Variants in CASC3 observed in about 807,000 individuals in gnomAD.
CASC3 encodes the protein protein CASC3.
In CASC3, 30 loss-of-function variants were observed where a neutral mutation model predicts 80.5. That is an observed-to-expected ratio of 0.37 (90% CI 0.28 to 0.51). The LOEUF (loss-of-function observed/expected upper bound fraction) is 0.51. Among genes scored for constraint, CASC3 ranks in the 20% least tolerant of loss-of-function variants. The pLI, the probability that CASC3 is intolerant of heterozygous loss-of-function variation, is 0.94. For missense variants in CASC3, 824 were observed against 922.2 expected, an observed-to-expected ratio of 0.89 and a Z score of 1.38; for synonymous variants, 312 against 333.6, an observed-to-expected ratio of 0.94 and a Z score of 0.70.
chr17:40,161,914 T>C lies in CASC3; in HGVS notation c.456+3T>C, dbSNP rs781298499. ...AGAGGCAAAGTGGGGACGGACAGGT[T>C]AGTACATTCCACAGTCCTCCATTTT... On this transcript the variant is annotated splice_donor_region_variant and intron_variant, in intron 4 of 13. Coordinates refer to ENST00000264645, the MANE Select transcript of CASC3 (RefSeq NM_007359.5). The C allele has an allele frequency of 6.2e-7, 1 of 1,613,994 alleles. No individual in the cohort carries two copies. The highest frequency in any genetic ancestry group is 1.3e-5 in the African/African-American group (1 of 74,978).
At chr17:40,159,316 A>AT (rs937777378) in intron 3 of CASC3, among the ~76,000 whole-genome samples, 1 of 152,150 alleles carries the variant, frequency 6.6e-6, no homozygotes, top group Non-Finnish European at 1.5e-5. Context: ...ATGTACTACT[A>AT]TTTTTGAATA....
chr17:40,147,911 T>C (rs915484166), intron 3 of CASC3, among the ~76,000 whole-genome samples: 1 of 152,216 alleles, frequency 6.6e-6, no homozygotes, highest in Non-Finnish European at 1.5e-5. Context: ...TCATGCCTTA[T>C]ATAATTTTCT....
At position 40,140,756 on chromosome 17, in the gene CASC3, A is replaced by C. The variant is rs761989441; in HGVS notation, c.208A>C (p.Lys70Gln). Reference sequence around the variant, plus strand: ...GCGGCGGGTGGAGAGCGGGGGCGCCAAGAGTGCTGAGGAGTCGGAGTGTGT... The same window carrying C: ...GCGGCGGGTGGAGAGCGGGGGCGCCCAGAGTGCTGAGGAGTCGGAGTGTGT... ...HLRRVESGGA[K>Q]SAEESECESE... is the part of the protein sequence containing the mutation. The change falls in exon 1 of 14, where the codon AAG (lysine) becomes CAG (glutamine). Residue 70 changes from lysine (K) to glutamine (Q), a missense_variant. Lys to Gln is a moderately conservative substitution (Grantham distance 53). This residue lies in a region of CASC3 where 159 missense variants were observed against 122.2 expected (regional missense o/e 1.30). Transcript: ENST00000264645. 4.5e-6 allele frequency: 6 copies of C among 1,347,340 alleles called. No individual in the cohort carries two copies. The South Asian group carries it at 5.2e-5, about 12-fold the overall frequency. The allele number at this position is 1,347,340 out of a possible 1,614,324, so 83.5% of individuals were successfully genotyped here.
rs892911228 is a variant in CASC3 at position 40,140,594 on chromosome 17, G to A, written c.46G>A (p.Glu16Lys). 2 of 1,610,620 alleles carry A rather than the reference G, an allele frequency of 1.2e-6. No homozygotes were observed. Among genetic ancestry groups the A allele is most frequent in the African/African-American group, 1.3e-5 (1 of 74,808 alleles). ...GCGCGCTTCGCAAGACACCGAGGAC[G>A]AGGAATCTGGTGCTTCGGGCTCCGA... ...RQRASQDTED[E>K]ESGASGSDSG... Residue 16 changes from glutamate to lysine, a missense_variant, in exon 1 of 14, where the codon GAG becomes AAG. Physicochemically the swap from Glu to Lys is moderately conservative, Grantham distance 56 (BLOSUM62 1). This residue lies in a region of CASC3 where 159 missense variants were observed against 122.2 expected (regional missense o/e 1.30). Transcript: ENST00000264645.
intron 3 of CASC3, among the ~76,000 whole-genome samples, chr17:40,144,146 C>A (rs568490846): frequency 7.9e-5 from 12 of 151,552 alleles, no homozygotes; most frequent in African/African-American, 2.9e-4. Flanking sequence ...GTAATCCCAG[C>A]GACTCAGGAG....
At position 40,171,968 on chromosome 17, in the gene CASC3, C is replaced by A. The variant is rs777543302; in HGVS notation, c.*1563C>A. ...GTAGGCTGTTCCCTTTGCCTTAAAC[C>A]TGAAGATGTCTCCTCAAGCCTGTGG... On this transcript the variant is annotated 3_prime_UTR_variant, in exon 14 of 14. Transcript: ENST00000264645. 1 of 1,288,704 alleles carries A rather than the reference C, an allele frequency of 7.8e-7. No homozygotes were observed. The highest frequency in any genetic ancestry group is 1.2e-5 in the South Asian group (1 of 80,940). The allele number at this position is 1,288,704 out of a possible 1,614,324, so 79.8% of individuals were successfully genotyped here.
In CASC3 at chr17:40,141,671, C is replaced by A. The variant is rs1567674945; in HGVS notation, c.297+64C>A. 5 of 1,208,782 alleles carry A rather than the reference C, an allele frequency of 4.1e-6. No individual in the cohort carries two copies. The Admixed American group carries it at 5.5e-5, about 13-fold the overall frequency. The allele number at this position is 1,208,782 out of a possible 1,614,324, so 74.9% of individuals were successfully genotyped here. On this transcript the variant is annotated intron_variant, in intron 3 of 13. Coordinates refer to ENST00000264645, the MANE Select transcript of CASC3 (RefSeq NM_007359.5). ...AATGCTTTTTAAAAACGTGTACACA[C>A]CTTCGTTGCAAACGTACCATGACCT...
At chr17:40,145,965 A>G (rs1047371366) in intron 3 of CASC3, among the ~76,000 whole-genome samples, 1 of 152,114 alleles carries the variant, frequency 6.6e-6, no homozygotes, top group African/African-American at 2.4e-5. Flanking sequence ...TTTCAGATCC[A>G]GAGAACACTT....
chr17:40,168,069 T>C, intron 10 of CASC3, 121 bp downstream of exon 10: 1 of 1,299,710 alleles, frequency 7.7e-7, no homozygotes, highest in Non-Finnish European at 1.1e-6. Flanking sequence ...TCCTGGCTGC[T>C]TGGGCAACAA....
Position 40,162,915 on chromosome 17 carries a change from A to G in CASC3, c.785+14A>G, listed in dbSNP as rs1432810684. The G allele has an allele frequency of 1.2e-6, 2 of 1,612,458 alleles. No homozygotes were observed. Among genetic ancestry groups the G allele is most frequent in the Admixed American group, 1.7e-5 (1 of 59,964 alleles). On this transcript the variant is annotated intron_variant, in intron 6 of 13. Transcript: ENST00000264645. ...CCGGAAACCCCGGTGAGGACATTTT[A>G]GAACATAAGACCAGGCTGGGTATGG...
intron 8 of CASC3, 26 bp downstream of exon 8, chr17:40,166,887 G>C (rs370392697): frequency 6.4e-7 from 1 of 1,563,264 alleles, no homozygotes; most frequent in East Asian, 2.3e-5. Flanking sequence ...GGGGTAGATG[G>C]GGGAGGGAGC....
chr17:40,168,449 T>TA (rs755791054), intron 11 of CASC3, 32 bp downstream of exon 11: 40 of 1,556,144 alleles, frequency 2.6e-5, no homozygotes, highest in Non-Finnish European at 3.5e-5. Flanking sequence ...TTTTTCTAGA[T>TA]ACACATTCTT....
intron 4 of CASC3, 31 bp from the exon 5 acceptor site, chr17:40,161,970 GA>G (rs758226979): frequency 1.2e-6 from 2 of 1,612,638 alleles, no homozygotes; most frequent in East Asian, 4.5e-5. Context: ...TTGAGGCTTG[GA>G]AGAGTAAGGA....
intron 3 of CASC3, among the ~76,000 whole-genome samples, chr17:40,153,024 C>T (rs1156608433): frequency 6.6e-6 from 1 of 152,140 alleles, no homozygotes; most frequent in African/African-American, 2.4e-5. Context: ...ATCTGCCCAC[C>T]TCGGCCTCCC....
Position 40,171,013 on chromosome 17 carries a change from T to A in CASC3, c.*608T>A. ...AGTCTAAAAAGACCTGGCCTTTCAC[T>A]TTTAGTTGGCATTTGTTATCCTCTT... On this transcript the variant is annotated 3_prime_UTR_variant, in exon 14 of 14. Coordinates refer to ENST00000264645, the MANE Select transcript of CASC3 (RefSeq NM_007359.5). 1.0e-6 allele frequency: 1 copy of A among 985,530 alleles called. No individual in the cohort carries two copies. Among genetic ancestry groups the A allele is most frequent in the Non-Finnish European group, 1.2e-6 (1 of 829,934 alleles). The allele number at this position is 985,530 out of a possible 1,614,324, so 61.0% of individuals were successfully genotyped here. A position where few individuals can be genotyped will look rare whatever the true frequency, so the allele number is the denominator to read the frequency against.
intron 3 of CASC3, among the ~76,000 whole-genome samples, chr17:40,142,670 C>A (rs1373334086): frequency 6.6e-6 from 1 of 152,096 alleles, no homozygotes; most frequent in Non-Finnish European, 1.5e-5. Context: ...GGGCGGATCA[C>A]GAGGTCAGGA....
chr17:40,159,303 C>A (rs539759896), intron 3 of CASC3, among the ~76,000 whole-genome samples: 1 of 152,116 alleles, frequency 6.6e-6, no homozygotes, highest in Non-Finnish European at 1.5e-5. Context: ...CATCTCCCCC[C>A]TTATGTACTA....
In CASC3 at chr17:40,163,937, T is replaced by C. The variant is rs1322173880; in HGVS notation, c.1242T>C (p.Val414=). Residue 414 remains valine, a synonymous_variant, in exon 7 of 14, where the codon GTT becomes GTC. Transcript: ENST00000264645. ...GGGCAAGAAGAACTCGAACCAAAGTTGGAGATGCAGTCAAGCTTGCAGAGG... is the reference window on the plus strand; with the variant it reads ...GGGCAAGAAGAACTCGAACCAAAGTCGGAGATGCAGTCAAGCTTGCAGAGG... ...YSRARRTRTK[V]GDAVKLAEEV... 1 of 1,613,960 alleles carries C rather than the reference T, an allele frequency of 6.2e-7. No homozygotes were observed. Among genetic ancestry groups the C allele is most frequent in the Non-Finnish European group, 8.5e-7 (1 of 1,180,016 alleles).
chr17:40,164,788 C>T (rs1437386436), intron 7 of CASC3, among the ~76,000 whole-genome samples: 1 of 112,814 alleles, frequency 8.9e-6, no homozygotes, highest in Non-Finnish European at 1.7e-5. Context: ...CAGAGACTTG[C>T]TCTGTTGCCC....
Sources: allele counts gnomAD v4.1 joint callset (sites outside exome capture counted in the v4.1 genomes callset), GRCh38; gene constraint gnomAD v4.1.1; regional missense constraint gnomAD v4.1.1; transcripts MANE v1.5; gene names NCBI Gene and HGNC (gene_info 2026-07-23, HGNC 2026-07-21).